The following SERINC5 variants were observed in gnomAD, a reference collection of about 807,000 sequenced individuals.
SERINC5 encodes chromosome 5 open reading frame 12.
SERINC5 carries 41 observed loss-of-function variants against 63.1 expected under a neutral mutation model. That is an observed-to-expected ratio of 0.65 (90% CI 0.51 to 0.84). The LOEUF (loss-of-function observed/expected upper bound fraction) is 0.84, where lower values mean the gene tolerates loss of function less well. SERINC5 is among the 40% of genes least tolerant of loss of function. The pLI is 0.00. For synonymous variants in SERINC5, 222 were observed against 215.2 expected (o/e 1.03, Z -0.28); for missense variants, 523 against 573.0 (o/e 0.91, Z 0.89).
intron 1 of SERINC5, among the ~76,000 whole-genome samples, chr5:80,209,579 A>C (rs1298429836): frequency 6.6e-6 from 1 of 152,192 alleles, no homozygotes; most frequent in East Asian, 1.9e-4. Context: ...ATGTACATAC[A>C]CATATGTGTA....
At chr5:80,253,255 TCCTCCTGGGACTACAGCAACAG>T (rs1435157352) in intron 1 of SERINC5, among the ~76,000 whole-genome samples, 2 of 152,190 alleles carry the variant, frequency 1.3e-5, no homozygotes, top group Admixed American at 6.6e-5. Context: ...CCACGCTGTC[TCCTCCTGGGACTACAGCAACAG>T]CAGATTGCCA....
chr5:80,142,614 A>G lies in SERINC5; in HGVS notation c.*1049T>C. On this transcript the variant is annotated 3_prime_UTR_variant, in exon 12 of 12. Transcript: ENST00000507668. ...GCAAACCTACTCCAAGGATGCCAGCATGAACCTGAACGGTATGGTCACGTT... is the reference window on the plus strand; with the variant it reads ...GCAAACCTACTCCAAGGATGCCAGCGTGAACCTGAACGGTATGGTCACGTT... 1.0e-6 allele frequency: 1 copy of G among 985,450 alleles called. No individual in the cohort carries two copies. Among genetic ancestry groups the G allele is most frequent in the African/African-American group, 1.7e-5 (1 of 57,366 alleles). The allele number at this position is 985,450 out of a possible 1,614,324, so 61.0% of individuals were successfully genotyped here.
In SERINC5 at chr5:80,139,371, C is replaced by T; in HGVS notation, c.*4292G>A. ...GAGAGAACTTCCCAGGATCCTTTAT[C>T]CCAAAGGATTACCTTAAAGAGTTCT... On this transcript the variant is annotated 3_prime_UTR_variant, in exon 12 of 12. Transcript: ENST00000507668. The T allele has an allele frequency of 1.0e-6, 1 of 984,740 alleles. No individual in the cohort carries two copies. Among genetic ancestry groups the T allele is most frequent in the Non-Finnish European group, 1.2e-6 (1 of 829,348 alleles). 61.0% of individuals were successfully genotyped at this position (984,740 alleles called of 1,614,324 possible). A position where few individuals can be genotyped will look rare whatever the true frequency, so the allele number is the denominator to read the frequency against.
chr5:80,210,879 T>C (rs944456670), intron 1 of SERINC5, among the ~76,000 whole-genome samples: 11 of 152,114 alleles, frequency 7.2e-5, no homozygotes, highest in Non-Finnish European at 1.2e-4. Flanking sequence ...AGGTTTCATC[T>C]CACATCCAAC....
intron 11 of SERINC5, among the ~76,000 whole-genome samples, chr5:80,120,763 G>A (rs1204906084): frequency 2.6e-5 from 4 of 152,124 alleles, no homozygotes; most frequent in Non-Finnish European, 5.9e-5. Context: ...TGCGTGAGCC[G>A]AGTTTCAGGC....
chr5:80,124,932 G>A (rs997004973), intron 11 of SERINC5, among the ~76,000 whole-genome samples: 2 of 152,124 alleles, frequency 1.3e-5, no homozygotes, highest in Non-Finnish European at 2.9e-5. Context: ...CTGTGTGGAG[G>A]GGAGGGGAGA....
intron 1 of SERINC5, among the ~76,000 whole-genome samples, chr5:80,207,124 G>A (rs1238988451): frequency 4.6e-5 from 7 of 150,742 alleles, no homozygotes; most frequent in Non-Finnish European, 8.8e-5. Context: ...TCAGCCTCCC[G>A]AGTAGCTGGG....
Position 80,222,111 on chromosome 5 carries a change from A to G in SERINC5, c.28-19058T>C, listed in dbSNP as rs146336381. Among the ~76,000 whole-genome samples, 49 of 152,250 alleles carry G rather than the reference A, an allele frequency of 3.2e-4. 1 individual carries two copies. In the East Asian group the frequency reaches 8.9e-3, roughly 28 times the overall value. ...TGCAGTGAGGTGTGATCGCACCACC[A>G]CACTCCAGCCTGGGTGACAAAGTGA... On this transcript the variant is annotated intron_variant, in intron 1 of 11. Coordinates refer to ENST00000507668, the MANE Select transcript of SERINC5 (RefSeq NM_001174072.3).
chr5:80,161,622 G>A (rs1746930383), intron 7 of SERINC5, among the ~76,000 whole-genome samples: 1 of 152,272 alleles, frequency 6.6e-6, no homozygotes, highest in East Asian at 1.9e-4. Context: ...ATAAGACACA[G>A]TTTGCAAATA....
intron 9 of SERINC5, 34 bp downstream of exon 9, chr5:80,150,848 G>C: frequency 6.8e-7 from 1 of 1,474,032 alleles, no homozygotes; most frequent in Non-Finnish European, 9.5e-7. Context: ...GATCTTCTGA[G>C]ATGAAGCAGG....
At position 80,177,392 on chromosome 5, in the gene SERINC5, C is replaced by T; in HGVS notation, c.380G>A (p.Trp127Ter). Residue 127 changes from tryptophan (W) to a stop codon, truncating the protein, a stop_gained, in exon 4 of 12, where the codon TGG becomes TAG. Coordinates refer to ENST00000507668, the MANE Select transcript of SERINC5 (RefSeq NM_001174072.3). LOFTEE classifies it high-confidence loss of function. ...CCCCAACAGCAGAAGTTTAAAGAAC[C>T]AAAAGCTAGAAGTGGGGGGAAAAAA... ...SCRAHIHNGF[W>*]FFKLLLLGAM... is the part of the protein sequence containing the mutation. 6.2e-7 allele frequency: 1 copy of T among 1,612,574 alleles called. No individual in the cohort carries two copies. The highest frequency in any genetic ancestry group is 1.3e-5 in the African/African-American group (1 of 74,888).
In SERINC5 at chr5:80,141,179, C is replaced by T. The variant is rs1420769313; in HGVS notation, c.*2484G>A. The T allele has an allele frequency of 1.2e-5, 12 of 985,332 alleles. No homozygotes were observed. Among genetic ancestry groups the T allele is most frequent in the Middle Eastern group, 5.2e-4 (1 of 1,936 alleles). The allele number at this position is 985,332 out of a possible 1,614,324, so 61.0% of individuals were successfully genotyped here. A position where few individuals can be genotyped will look rare whatever the true frequency, so the allele number is the denominator to read the frequency against. ...CATCTGTTTTGTTCATCCAGATACA[C>T]GTGCTAACATTTTCAGCTGAGAATA... On this transcript the variant is annotated 3_prime_UTR_variant, in exon 12 of 12. Coordinates refer to ENST00000507668, the MANE Select transcript of SERINC5 (RefSeq NM_001174072.3).
intron 2 of SERINC5, among the ~76,000 whole-genome samples, chr5:80,184,347 C>T (rs1384666317): frequency 6.6e-6 from 1 of 152,162 alleles, no homozygotes; most frequent in Non-Finnish European, 1.5e-5. Flanking sequence ...CCATCTTTCA[C>T]CTTTAGACCT....
chr5:80,121,869 C>T (rs1425439045), intron 11 of SERINC5, among the ~76,000 whole-genome samples: 4 of 151,922 alleles, frequency 2.6e-5, no homozygotes, highest in Non-Finnish European at 5.9e-5. Flanking sequence ...TGAGAACCCA[C>T]TCATTACCTC....
At chr5:80,134,568 C>T (rs1162959324), downstream of SERINC5, among the ~76,000 whole-genome samples, 2 of 152,158 alleles carry the variant, frequency 1.3e-5, no homozygotes, top group Non-Finnish European at 1.5e-5. Context: ...ATTAGTTCAG[C>T]CTACACCCAG....
chr5:80,178,914 CTCATA>C (rs1336140294), intron 2 of SERINC5, among the ~76,000 whole-genome samples: 7 of 152,042 alleles, frequency 4.6e-5, no homozygotes, highest in South Asian at 2.1e-4. Context: ...CATACATACA[CTCATA>C]TCATACTATG....
intron 1 of SERINC5, among the ~76,000 whole-genome samples, chr5:80,210,194 C>T (rs142900307): frequency 6.6e-6 from 1 of 152,282 alleles, no homozygotes; most frequent in African/African-American, 2.4e-5. Flanking sequence ...GAAAATCTTT[C>T]GAAGAGCCTG....
chr5:80,160,312 A>C (rs1248809088), intron 7 of SERINC5, among the ~76,000 whole-genome samples: 1 of 152,200 alleles, frequency 6.6e-6, no homozygotes, highest in African/African-American at 2.4e-5. Flanking sequence ...AACACTACGT[A>C]ACAAAGATTC....
chr5:80,134,627 T>C (rs1383119702), downstream of SERINC5, among the ~76,000 whole-genome samples: 4 of 152,220 alleles, frequency 2.6e-5, no homozygotes, highest in East Asian at 7.7e-4. Context: ...GTAAGTTAGG[T>C]CACATCTCTT....
Sources: allele counts gnomAD v4.1 joint callset (sites outside exome capture counted in the v4.1 genomes callset), GRCh38; gene constraint gnomAD v4.1.1; transcripts MANE v1.5; gene names NCBI Gene and HGNC (gene_info 2026-07-23, HGNC 2026-07-21).